CCDC33: variants seen among roughly 807,000 people sequenced by gnomAD.
CCDC33 encodes coiled-coil domain-containing protein 33.
CCDC33 carries 94 observed loss-of-function variants against 91.9 expected under a neutral mutation model. The observed-to-expected ratio is 1.02, with a 90% CI of 0.87 to 1.21. The LOEUF (loss-of-function observed/expected upper bound fraction) is 1.21. Among genes scored for constraint, CCDC33 ranks in the 50% most tolerant of loss-of-function variants. The pLI is 0.00. For missense variants in CCDC33, 940 were observed against 935.5 expected (o/e 1.00, Z -0.06); for synonymous variants, 396 against 374.5 (o/e 1.06, Z -0.66).
chr15:74,305,238 C>T (rs1049132571), intron 11 of CCDC33, among the ~76,000 whole-genome samples: 1 of 152,182 alleles, frequency 6.6e-6, no homozygotes, highest in Non-Finnish European at 1.5e-5. Flanking sequence ...TGAGCCACCA[C>T]GCCTGGCCTA....
chr15:74,222,918 C>T (rs544787787), intron 2 of CCDC33, among the ~76,000 whole-genome samples: 1 of 151,920 alleles, frequency 6.6e-6, no homozygotes, highest in African/African-American at 2.4e-5. Flanking sequence ...TCACTCCCCC[C>T]GCCCCCATGG....
At chr15:74,297,610 C>A (rs1381892754) in intron 11 of CCDC33, among the ~76,000 whole-genome samples, 2 of 152,206 alleles carry the variant, frequency 1.3e-5, no homozygotes, top group Non-Finnish European at 2.9e-5. Flanking sequence ...AGGAGGATCA[C>A]TTGAGCCTGG....
intron 11 of CCDC33, among the ~76,000 whole-genome samples, chr15:74,310,215 G>T (rs976578905): frequency 3.9e-5 from 6 of 151,996 alleles, no homozygotes; most frequent in African/African-American, 1.4e-4. Context: ...CTGGAGATGT[G>T]CTTGGTGCAG....
chr15:74,249,128 A>G (rs1278632371), intron 2 of CCDC33, among the ~76,000 whole-genome samples: 2 of 152,130 alleles, frequency 1.3e-5, no homozygotes, highest in Non-Finnish European at 2.9e-5. Context: ...ATGAAAGTTT[A>G]TTAGTCTGCA....
At chr15:74,273,807 TG>T (rs1022271446) in intron 7 of CCDC33, among the ~76,000 whole-genome samples, 13 of 147,220 alleles carry the variant, frequency 8.8e-5, no homozygotes, top group Middle Eastern at 3.6e-3. Context: ...ATGTAAAGCC[TG>T]GATTAGGGAA....
In CCDC33 at chr15:74,281,793, A is replaced by G. The variant is rs746687162; in HGVS notation, c.1039A>G (p.Thr347Ala). 13 of 1,613,808 alleles carry G rather than the reference A, an allele frequency of 8.1e-6. No homozygotes were observed. The South Asian group carries it at 1.2e-4, about 15-fold the overall frequency. Residue 347 changes from threonine (T) to alanine (A), a missense_variant, in exon 10 of 19, where the codon ACT (threonine) becomes GCT (alanine). Thr to Ala is a moderately conservative substitution (Grantham distance 58). Coordinates refer to ENST00000398814, the MANE Select transcript of CCDC33 (RefSeq NM_025055.5). ...TCCTCCCCAGGACACCAGCCTGAAA[A>G]CTATCAATGATGAGGCCCCCACAGT... Reference protein sequence around the residue: ...RLPIMDTSLKTINDEAPTVAL... With the variant: ...RLPIMDTSLKAINDEAPTVAL...
At chr15:74,210,328 A>T (rs1455411706) in intron 2 of CCDC33, among the ~76,000 whole-genome samples, 1 of 152,232 alleles carries the variant, frequency 6.6e-6, no homozygotes, top group Non-Finnish European at 1.5e-5. Flanking sequence ...GACACACTGA[A>T]GTACTATTTT....
At chr15:74,275,967 C>T (rs894954255) in intron 7 of CCDC33, among the ~76,000 whole-genome samples, 1 of 152,230 alleles carries the variant, frequency 6.6e-6, no homozygotes, top group African/African-American at 2.4e-5. Flanking sequence ...CCGCACCCAG[C>T]AGCACCCTCT....
intron 2 of CCDC33, among the ~76,000 whole-genome samples, chr15:74,224,680 G>A (rs567221064): frequency 1.6e-4 from 24 of 152,288 alleles, no homozygotes; most frequent in Admixed American, 2.6e-4. Context: ...CCACTTCCAC[G>A]TCTGTAAAAT....
chr15:74,335,635 G>T, intron 18 of CCDC33: 1 of 391,932 alleles, frequency 2.6e-6, no homozygotes, highest in Non-Finnish European at 4.7e-6. Context: ...TGAGCCAGCT[G>T]TGCTTTGCCC....
intron 6 of CCDC33, 85 bp from the exon 7 acceptor site, chr15:74,272,686 A>G: frequency 6.5e-7 from 1 of 1,539,864 alleles, no homozygotes; most frequent in African/African-American, 1.4e-5. Flanking sequence ...CTCTTGCATC[A>G]ACCCAGAGTC....
intron 10 of CCDC33, among the ~76,000 whole-genome samples, chr15:74,287,296 G>C (rs943044450): frequency 1.3e-5 from 2 of 152,204 alleles, no homozygotes; most frequent in Admixed American, 1.3e-4. Flanking sequence ...CATAAGGATG[G>C]ATCCAGAGAG....
intron 10 of CCDC33, among the ~76,000 whole-genome samples, chr15:74,285,423 TCTC>T (rs1160705424): frequency 1.3e-5 from 2 of 151,996 alleles, no homozygotes; most frequent in African/African-American, 2.4e-5. Flanking sequence ...CATCCCAGTC[TCTC>T]CTCCTGTGCT....
At chr15:74,310,197 A>C (rs1188862809) in intron 11 of CCDC33, among the ~76,000 whole-genome samples, 1 of 152,008 alleles carries the variant, frequency 6.6e-6, no homozygotes, top group East Asian at 1.9e-4. Context: ...GATGGTTAGG[A>C]GGCAGGACTG....
In CCDC33 at chr15:74,207,912, C is replaced by T. The variant is rs140063301; in HGVS notation, n.90-1476C>T. On this transcript the variant is annotated intron_variant and non_coding_transcript_variant, in intron 1 of 3. Transcript: ENST00000558645. ...GCAGTGTCGTCGGCTGCCGTGCTCA[C>T]GGCAGGAAGAGTATGGGTGACTCTC... The T allele has an allele frequency of 2.8e-4, 412 of 1,480,788 alleles. 2 individuals are homozygous for T. The East Asian group carries it at 8.8e-3, about 32-fold the overall frequency. The allele number at this position is 1,480,788 out of a possible 1,614,324, so 91.7% of individuals were successfully genotyped here.
intron 9 of CCDC33, 123 bp downstream of exon 9, chr15:74,280,924 C>T (rs2059348745): frequency 9.9e-7 from 1 of 1,014,554 alleles, no homozygotes; most frequent in South Asian, 3.5e-5. Flanking sequence ...TCTGTCAAGG[C>T]ACCCACCAGG....
intron 7 of CCDC33, among the ~76,000 whole-genome samples, chr15:74,273,755 C>T (rs2142446633): frequency 6.6e-6 from 1 of 151,842 alleles, no homozygotes; most frequent in East Asian, 1.9e-4. Flanking sequence ...AGGCATGAGT[C>T]ACTGCGCCCA....
intron 10 of CCDC33, among the ~76,000 whole-genome samples, chr15:74,294,454 CA>C (rs1395566538): frequency 7.0e-5 from 9 of 127,882 alleles, no homozygotes; most frequent in East Asian, 2.3e-4. Context: ...AAAAAAAAAA[CA>C]AAAAAAAAGC....
Position 74,285,810 on chromosome 15 carries a change from A to G in CCDC33, c.1095+3961A>G, listed in dbSNP as rs890546678. Among the ~76,000 whole-genome samples, 4 of 152,314 alleles carry G rather than the reference A, an allele frequency of 2.6e-5. No individual in the cohort carries two copies. In the South Asian group the frequency reaches 8.3e-4, roughly 32 times the overall value. ...CTGCATTAAGATGGCTTGTGTGTGT[A>G]GGTGAGTACGTATATGAACACACAC... On this transcript the variant is annotated intron_variant, in intron 10 of 18. Coordinates refer to ENST00000398814, the MANE Select transcript of CCDC33 (RefSeq NM_025055.5).
Sources: gnomAD v4.1 joint callset for allele counts (sites outside exome capture counted in the v4.1 genomes callset) on GRCh38, gnomAD v4.1.1 for gene constraint, MANE v1.5 for transcripts, NCBI Gene and HGNC (gene_info 2026-07-23, HGNC 2026-07-21) for gene names.